TBCE: variants seen among roughly 807,000 people sequenced by gnomAD.
The protein encoded by TBCE is tubulin folding cofactor E.
TBCE carries 53 observed loss-of-function variants against 77.0 expected under a neutral mutation model. The ratio of observed to expected loss-of-function variants is 0.69; its 90% CI spans 0.55 to 0.87. The LOEUF is 0.87. Among genes scored for constraint, TBCE ranks in the 40% least tolerant of loss-of-function variants. The pLI is 0.00. For missense variants in TBCE, 624 were observed against 622.4 expected (o/e 1.00, Z -0.03); for synonymous variants, 235 against 241.3 (o/e 0.97, Z 0.24).
chr1:235,428,130 A>C (rs1161728036), intron 6 of TBCE, among the ~76,000 whole-genome samples: 2 of 151,608 alleles, frequency 1.3e-5, no homozygotes, highest in African/African-American at 4.8e-5. Flanking sequence ...CGAGACCATC[A>C]TAGCTAACAA....
intron 1 of TBCE, among the ~76,000 whole-genome samples, chr1:235,371,163 T>G (rs1206145958): frequency 7.0e-6 from 1 of 141,964 alleles, no homozygotes; most frequent in Non-Finnish European, 1.5e-5. Flanking sequence ...TTCAAGCAAT[T>G]CTGCCACCTC....
At position 235,374,298 on chromosome 1, in the gene TBCE, T is replaced by G. The variant is rs565732142; in HGVS notation, c.-31-5721T>G. On this transcript the variant is annotated intron_variant, in intron 1 of 16. Transcript: ENST00000642610. ...GCTTTTCAGACCATTGTACCCCACGTGCAGGTCAGGCCACATCTGGAATGT... is the reference window on the plus strand; with the variant it reads ...GCTTTTCAGACCATTGTACCCCACGGGCAGGTCAGGCCACATCTGGAATGT... Among the ~76,000 whole-genome samples, 30 of 146,000 alleles carry G rather than the reference T, an allele frequency of 2.1e-4. 3 individuals are homozygous for G. The highest frequency in any genetic ancestry group is 3.5e-4 in the Non-Finnish European group (23 of 66,614).
At chr1:235,395,882 C>T (rs1024224456) in intron 2 of TBCE, among the ~76,000 whole-genome samples, 1 of 151,798 alleles carries the variant, frequency 6.6e-6, no homozygotes, top group Non-Finnish European at 1.5e-5. Context: ...CAATTATTTT[C>T]ATTTTTTTAG....
chr1:235,435,459 T>G (rs937914168), intron 8 of TBCE, among the ~76,000 whole-genome samples: 1 of 152,170 alleles, frequency 6.6e-6, no homozygotes, highest in African/African-American at 2.4e-5. Context: ...CACATGAAGT[T>G]TTATAAGAAA....
At chr1:235,440,134 C>G (rs1194042891) in intron 13 of TBCE, among the ~76,000 whole-genome samples, 1 of 152,082 alleles carries the variant, frequency 6.6e-6, no homozygotes, top group Non-Finnish European at 1.5e-5. Context: ...CCACACCCGG[C>G]TAATTTTTTG....
At chr1:235,424,878 T>C (rs1680617467) in intron 5 of TBCE, among the ~76,000 whole-genome samples, 2 of 152,122 alleles carry the variant, frequency 1.3e-5, no homozygotes, top group African/African-American at 4.8e-5. Context: ...TGACCTCAGG[T>C]GATCCGCCCA....
chr1:235,420,761 G>A (rs1314850844), intron 5 of TBCE, among the ~76,000 whole-genome samples: 4 of 152,182 alleles, frequency 2.6e-5, no homozygotes, highest in Non-Finnish European at 4.4e-5. Flanking sequence ...AATTACAGGC[G>A]TGAGCCACCA....
At chr1:235,403,206 G>A (rs1335270386) in intron 3 of TBCE, among the ~76,000 whole-genome samples, 1 of 151,910 alleles carries the variant, frequency 6.6e-6, no homozygotes, top group Non-Finnish European at 1.5e-5. Flanking sequence ...TCCAGTGAAA[G>A]GACTTTTTTC....
At chr1:235,428,126 C>G (rs968548836) in intron 6 of TBCE, among the ~76,000 whole-genome samples, 1 of 151,484 alleles carries the variant, frequency 6.6e-6, no homozygotes, top group South Asian at 2.1e-4. Context: ...AGATCGAGAC[C>G]ATCATAGCTA....
At chr1:235,416,888 A>G (rs1238081346) in intron 4 of TBCE, among the ~76,000 whole-genome samples, 1 of 152,220 alleles carries the variant, frequency 6.6e-6, no homozygotes, top group African/African-American at 2.4e-5. Context: ...CAGCTAAGGC[A>G]CTTTTGGCTC....
intron 2 of TBCE, among the ~76,000 whole-genome samples, chr1:235,390,471 G>T (rs1678309127): frequency 1.3e-5 from 2 of 152,244 alleles, no homozygotes; most frequent in African/African-American, 4.8e-5. Flanking sequence ...TAGAAGCTAG[G>T]CTAGACGCAG....
chr1:235,426,892 G>A (rs1361761767), intron 5 of TBCE, among the ~76,000 whole-genome samples: 1 of 152,156 alleles, frequency 6.6e-6, no homozygotes, highest in Non-Finnish European at 1.5e-5. Flanking sequence ...TGATTCCCCC[G>A]ACCTTGGCAT....
intron 3 of TBCE, among the ~76,000 whole-genome samples, chr1:235,406,393 CAAAAT>C (rs544975679): frequency 7.2e-5 from 11 of 152,000 alleles, no homozygotes; most frequent in Non-Finnish European, 1.3e-4. Flanking sequence ...TTTACAGTGT[CAAAAT>C]AAAAATAAAA....
intron 11 of TBCE, among the ~76,000 whole-genome samples, chr1:235,437,041 A>G (rs1006159078): frequency 6.6e-6 from 1 of 152,138 alleles, no homozygotes; most frequent in Non-Finnish European, 1.5e-5. Flanking sequence ...AGGCAGGAGA[A>G]TCGCCTGAAC....
chr1:235,402,028 C>T (rs1419392909), intron 3 of TBCE, among the ~76,000 whole-genome samples: 2 of 150,976 alleles, frequency 1.3e-5, no homozygotes, highest in African/African-American at 4.9e-5. Context: ...AATTTCTTAT[C>T]ATAGGAAGAG....
rs180891121 is a variant in TBCE at position 235,407,154 on chromosome 1, C to T, written c.185+5567C>T. Among the ~76,000 whole-genome samples, 91 of 135,610 alleles carry T rather than the reference C, an allele frequency of 6.7e-4. 2 individuals carry two copies. Among genetic ancestry groups the T allele is most frequent in the African/African-American group, 2.2e-3 (78 of 34,864 alleles). 89.0% of individuals were successfully genotyped at this position (135,610 alleles called of 152,430 possible). A position where few individuals can be genotyped will look rare whatever the true frequency, so the allele number is the denominator to read the frequency against. On this transcript the variant is annotated intron_variant, in intron 3 of 16. Coordinates refer to ENST00000642610, the MANE Select transcript of TBCE (RefSeq NM_003193.5). ...CCCGCCTTTTTTTTTTTTTTTTGGA[C>T]GCAGGGTCTTGCTCTGTCACCCAGG...
intron 13 of TBCE, among the ~76,000 whole-genome samples, chr1:235,439,734 C>T (rs1050487495): frequency 1.4e-4 from 21 of 151,824 alleles, no homozygotes; most frequent in Admixed American, 6.6e-4. Flanking sequence ...GTGATCCACC[C>T]GCCTCGGCCT....
chr1:235,421,148 CTGGTAATCTCAGCA>C (rs564354352), intron 5 of TBCE, among the ~76,000 whole-genome samples: 1 of 152,150 alleles, frequency 6.6e-6, no homozygotes, highest in Non-Finnish European at 1.5e-5. Context: ...GTGGCTCATG[CTGGTAATCTCAGCA>C]TGGTAATCTC....
intron 4 of TBCE, 125 bp from the exon 5 acceptor site, chr1:235,419,348 G>A: frequency 7.4e-7 from 1 of 1,356,052 alleles, no homozygotes; most frequent in Non-Finnish European, 1.0e-6. Flanking sequence ...TTTGGGTGGT[G>A]GTTACTGGTA....
Sources: gnomAD v4.1 joint callset for allele counts (sites outside exome capture counted in the v4.1 genomes callset) on GRCh38, gnomAD v4.1.1 for gene constraint, MANE v1.5 for transcripts, NCBI Gene and HGNC (gene_info 2026-07-23, HGNC 2026-07-21) for gene names.